Variants in ABI3BP observed in about 807,000 individuals in gnomAD.
ABI3BP encodes the protein ABI family member 3 binding protein, also known as target of Nesh-SH3.
In ABI3BP, 216 loss-of-function variants were observed where a neutral mutation model predicts 268.6. The observed-to-expected ratio is 0.80, with a 90% CI of 0.72 to 0.90. ABI3BP has a LOEUF of 0.90. Ranked by LOEUF, ABI3BP falls within the 40% of genes least tolerant of loss-of-function variation. The probability of loss-of-function intolerance (pLI) is 0.00; values close to 1 mark genes in which losing one functional copy is unlikely to be tolerated. For synonymous variants in ABI3BP, 730 were observed against 730.0 expected (o/e 1.00, Z 0.00); for missense variants, 2,090 against 2,182.4 (o/e 0.96, Z 0.84).
intron 6 of ABI3BP, among the ~76,000 whole-genome samples, chr3:100,879,546 T>G (rs916101135): frequency 6.6e-6 from 1 of 152,212 alleles, no homozygotes. Flanking sequence ...TAATGATTTG[T>G]TTCAAACAAA....
intron 1 of ABI3BP, among the ~76,000 whole-genome samples, chr3:100,968,559 A>AATCTTGGTCTGT (rs538257622): frequency 6.6e-6 from 1 of 152,278 alleles, no homozygotes; most frequent in Non-Finnish European, 1.5e-5. Flanking sequence ...GTCAAGTTGA[A>AATCTTGGTCTGT]ATCTTGGTCT....
intron 43 of ABI3BP, chr3:100,816,249 G>C (rs2098039058): frequency 2.1e-6 from 1 of 467,368 alleles, no homozygotes; most frequent in African/African-American, 2.0e-5. Flanking sequence ...ATGGATATTT[G>C]GCTTTGGAAA....
chr3:100,781,211 T>C (rs1172300268), intron 57 of ABI3BP, among the ~76,000 whole-genome samples: 3 of 152,174 alleles, frequency 2.0e-5, no homozygotes, highest in Non-Finnish European at 4.4e-5. Flanking sequence ...CAGAAACTGT[T>C]TGGGGACATT....
intron 63 of ABI3BP, among the ~76,000 whole-genome samples, chr3:100,759,144 A>G (rs750559182): frequency 6.6e-6 from 1 of 152,154 alleles, no homozygotes; most frequent in Non-Finnish European, 1.5e-5. Flanking sequence ...ACTGTTTTTT[A>G]TATAGAAAGT....
chr3:100,821,440 G>T (rs1409758844), intron 38 of ABI3BP, among the ~76,000 whole-genome samples: 1 of 152,058 alleles, frequency 6.6e-6, no homozygotes, highest in Non-Finnish European at 1.5e-5. Flanking sequence ...TCCATTCTGA[G>T]CAAAGAAAGA....
intron 40 of ABI3BP, 58 bp downstream of exon 40, chr3:100,820,162 G>A: frequency 1.4e-6 from 2 of 1,409,956 alleles, no homozygotes; most frequent in Non-Finnish European, 1.9e-6. Context: ...ATTGGCATCA[G>A]TTATAAATTC....
At chr3:100,901,478 A>G (rs1261694885) in intron 3 of ABI3BP, among the ~76,000 whole-genome samples, 1 of 152,130 alleles carries the variant, frequency 6.6e-6, no homozygotes, top group Non-Finnish European at 1.5e-5. Context: ...GAAAAATAAA[A>G]GCAGGCTGGG....
intron 6 of ABI3BP, among the ~76,000 whole-genome samples, chr3:100,883,732 G>A (rs1171465473): frequency 1.3e-5 from 2 of 152,008 alleles, no homozygotes; most frequent in Non-Finnish European, 2.9e-5. Flanking sequence ...CATAGTATTA[G>A]GAAGGCTTAA....
At chr3:100,792,799 T>C (rs751721494) in intron 54 of ABI3BP, 31 bp from the exon 55 acceptor site, 5 of 1,582,222 alleles carry the variant, frequency 3.2e-6, no homozygotes, top group Non-Finnish European at 4.3e-6. Flanking sequence ...TTGCTTGTTT[T>C]AAATAATTAA....
At chr3:100,974,601 G>A (rs1296426161) in intron 1 of ABI3BP, among the ~76,000 whole-genome samples, 1 of 152,120 alleles carries the variant, frequency 6.6e-6, no homozygotes, top group Non-Finnish European at 1.5e-5. Flanking sequence ...GGTAGGGGAA[G>A]GGATTGACTA....
At chr3:100,901,758 T>G (rs1414246071) in intron 3 of ABI3BP, among the ~76,000 whole-genome samples, 1 of 147,396 alleles carries the variant, frequency 6.8e-6, no homozygotes, top group Non-Finnish European at 1.5e-5. Flanking sequence ...AGAGCAAGAC[T>G]CCGTCTCAAA....
At chr3:100,775,134 C>G (rs1577242315) in intron 60 of ABI3BP, 73 bp downstream of exon 60, 2 of 1,544,772 alleles carry the variant, frequency 1.3e-6, no homozygotes, top group Admixed American at 4.1e-5. Context: ...GAGACTCACC[C>G]ATCCCCACCA....
At chr3:100,921,620 C>T (rs910560960) in intron 2 of ABI3BP, among the ~76,000 whole-genome samples, 3 of 151,962 alleles carry the variant, frequency 2.0e-5, no homozygotes, top group African/African-American at 7.3e-5. Flanking sequence ...TTAATAGCCA[C>T]TGGGGAAAAT....
chr3:100,830,690 G>A, intron 31 of ABI3BP, 56 bp from the exon 32 acceptor site: 1 of 1,393,276 alleles, frequency 7.2e-7, no homozygotes, highest in Non-Finnish European at 9.7e-7. Context: ...TGAAATGTTG[G>A]AACATTCATC....
In ABI3BP at chr3:100,766,053, A is replaced by G. The variant is rs553971011; in HGVS notation, c.4742-104T>C. On this transcript the variant is annotated intron_variant, in intron 62 of 67. Coordinates refer to ENST00000471714, the MANE Select transcript of ABI3BP (RefSeq NM_001375547.2). ...AAAAGCCACTTACATAAAGTAAGCA[A>G]TTGAGATGGAAGTTCTAGAGACATA... The G allele has an allele frequency of 3.5e-5, 27 of 772,190 alleles. 1 individual carries two copies. In the South Asian group the frequency reaches 4.3e-4, roughly 12 times the overall value. The allele number at this position is 772,190 out of a possible 1,614,324, so 47.8% of individuals were successfully genotyped here.
chr3:100,831,638 G>A (rs2098496065), intron 31 of ABI3BP, among the ~76,000 whole-genome samples: 1 of 152,024 alleles, frequency 6.6e-6, no homozygotes, highest in Non-Finnish European at 1.5e-5. Context: ...GAACAGGAGG[G>A]TATCAACGAG....
chr3:100,827,635 T>C (rs2098412454), intron 34 of ABI3BP, among the ~76,000 whole-genome samples: 1 of 152,178 alleles, frequency 6.6e-6, no homozygotes, highest in Admixed American at 6.5e-5. Flanking sequence ...AAATATATCT[T>C]TCTAATGCAA....
intron 14 of ABI3BP, among the ~76,000 whole-genome samples, chr3:100,859,160 G>A (rs1254210122): frequency 5.9e-5 from 9 of 152,144 alleles, no homozygotes; most frequent in African/African-American, 1.7e-4. Flanking sequence ...GTAAATGAAT[G>A]TAAATTTGTT....
intron 1 of ABI3BP, among the ~76,000 whole-genome samples, chr3:100,976,376 C>A (rs1242703112): frequency 6.6e-6 from 1 of 152,198 alleles, no homozygotes; most frequent in South Asian, 2.1e-4. Context: ...AGAGAAGGCG[C>A]CCTGTTCAAA....
Sources: allele counts gnomAD v4.1 joint callset (sites outside exome capture counted in the v4.1 genomes callset), GRCh38; gene constraint gnomAD v4.1.1; transcripts MANE v1.5; gene names NCBI Gene and HGNC (gene_info 2026-07-23, HGNC 2026-07-21).